SFSWAP: variants seen among roughly 807,000 people sequenced by gnomAD.
SFSWAP encodes the protein splicing factor SWAP.
A neutral mutation model predicts 100.7 loss-of-function variants in SFSWAP; 17 were observed. The observed-to-expected ratio is 0.17, with a 90% CI of 0.12 to 0.25. SFSWAP has a LOEUF of 0.25. Among genes scored for constraint, SFSWAP ranks in the 10% least tolerant of loss-of-function variants. SFSWAP has a pLI of 1.00. For missense variants in SFSWAP, 1,005 were observed against 1,262.6 expected, an observed-to-expected ratio of 0.80 and a Z score of 3.09; for synonymous variants, 504 against 510.1, an observed-to-expected ratio of 0.99 and a Z score of 0.16.
At chr12:131,761,380 C>T (rs149249878) in intron 11 of SFSWAP, among the ~76,000 whole-genome samples, 484 of 152,302 alleles carry the variant, frequency 3.2e-3, no homozygotes, top group Non-Finnish European at 5.5e-3. Flanking sequence ...CGCATGGTCC[C>T]GTCCTCCACC....
Position 131,746,832 on chromosome 12 carries a change from T to C in SFSWAP, c.1082-6291T>C, listed in dbSNP as rs911080220. Among the ~76,000 whole-genome samples the C allele has an allele frequency of 7.2e-5, 11 of 152,274 alleles. No individual in the cohort carries two copies. The South Asian group carries it at 2.1e-3, about 29-fold the overall frequency. ...TGGAGAAGCTCATGCTGGCCGGGCATGCTGGCTCACGCCTATAATCCCAGC... is the reference window on the plus strand; with the variant it reads ...TGGAGAAGCTCATGCTGGCCGGGCACGCTGGCTCACGCCTATAATCCCAGC... On this transcript the variant is annotated intron_variant, in intron 7 of 17. Transcript: ENST00000261674.
At chr12:131,727,210 CAA>C (rs1276172226) in intron 6 of SFSWAP, among the ~76,000 whole-genome samples, 158 bp downstream of exon 6, 2 of 152,212 alleles carry the variant, frequency 1.3e-5, no homozygotes, top group Admixed American at 6.5e-5. Context: ...AGCTGGGTGA[CAA>C]AGCATCTGCT....
At chr12:131,774,204 G>T (rs61942914) in intron 13 of SFSWAP, among the ~76,000 whole-genome samples, 11,403 of 152,258 alleles carry the variant, frequency 0.075, 482 homozygotes, top group Middle Eastern at 0.12. Flanking sequence ...GTGGGGCTGG[G>T]TGAAGGGATG....
At chr12:131,729,337 T>C (rs1109119) in intron 7 of SFSWAP, among the ~76,000 whole-genome samples, 110,617 of 151,820 alleles carry the variant, frequency 0.73, 42,489 homozygotes, top group East Asian at 0.95. Flanking sequence ...AACCGCATCT[T>C]GACAAAAAAT....
rs1258964216 is a variant in SFSWAP at position 131,734,941 on chromosome 12, G to C, written c.1081+6513G>C. On this transcript the variant is annotated intron_variant, in intron 7 of 17. Transcript: ENST00000261674. The surrounding 1 kb of genome is among the most constrained non-coding windows in gnomAD (Gnocchi z 4.9). ...GGCAGTGAGGGGGGGCCCGCTCCGAGAGACAGACAGGTCAGGCCGGAAGCG... is the reference window on the plus strand; with the variant it reads ...GGCAGTGAGGGGGGGCCCGCTCCGACAGACAGACAGGTCAGGCCGGAAGCG... Among the ~76,000 whole-genome samples, 1 of 152,188 alleles carries C rather than the reference G, an allele frequency of 6.6e-6. No homozygotes were observed. The highest frequency in any genetic ancestry group is 2.4e-5 in the African/African-American group (1 of 41,436).
intron 4 of SFSWAP, among the ~76,000 whole-genome samples, chr12:131,724,541 A>G (rs531975322): frequency 2.0e-5 from 3 of 152,280 alleles, no homozygotes; most frequent in Non-Finnish European, 4.4e-5. Context: ...TTAACCATCC[A>G]TTTTTAATGA....
At chr12:131,713,805 A>G (rs1249447496) in intron 1 of SFSWAP, 1 of 259,968 alleles carries the variant, frequency 3.8e-6, no homozygotes. Flanking sequence ...CTATTAATGG[A>G]TTGTTTGCCT....
In SFSWAP at chr12:131,720,984, G is replaced by A. The variant is rs190926636; in HGVS notation, c.606+1445G>A. Reference sequence around the variant, plus strand: ...TGCAGGCTGTACAGGAAGCCGGGCAGCATCTGCTTCTGGGGAGGCCTCAGG... The same window carrying A: ...TGCAGGCTGTACAGGAAGCCGGGCAACATCTGCTTCTGGGGAGGCCTCAGG... On this transcript the variant is annotated intron_variant, in intron 4 of 17. Transcript: ENST00000261674. Among the ~76,000 whole-genome samples the A allele has an allele frequency of 2.3e-3, 345 of 152,336 alleles. 2 individuals are homozygous for A. Among genetic ancestry groups the A allele is most frequent in the African/African-American group, 8.0e-3 (333 of 41,588 alleles).
intron 15 of SFSWAP, chr12:131,796,971 T>C (rs1349457418): frequency 1.8e-5 from 9 of 505,940 alleles, no homozygotes; most frequent in South Asian, 3.5e-5. Context: ...AATATTTTAC[T>C]TGAGGTCCTA....
intron 5 of SFSWAP, among the ~76,000 whole-genome samples, chr12:131,726,024 C>T (rs1878932471): frequency 6.6e-6 from 1 of 152,038 alleles, no homozygotes; most frequent in Non-Finnish European, 1.5e-5. Context: ...TACATGGCCA[C>T]AAAAGTGAAA....
intron 13 of SFSWAP, among the ~76,000 whole-genome samples, chr12:131,773,869 A>G (rs1883805610): frequency 6.6e-6 from 1 of 152,224 alleles, no homozygotes; most frequent in Non-Finnish European, 1.5e-5. Context: ...CAGCACAGCC[A>G]GGAGGAGAGT....
At chr12:131,770,276 A>G (rs4964994) in intron 13 of SFSWAP, among the ~76,000 whole-genome samples, 124,805 of 152,208 alleles carry the variant, frequency 0.82, 53,661 homozygotes, top group East Asian at 0.96. Flanking sequence ...ACAAGACCAC[A>G]TTCGGCCACC....
At position 131,754,379 on chromosome 12, in the gene SFSWAP, C is replaced by T. The variant is rs771151454; in HGVS notation, c.1334C>T (p.Pro445Leu). ...CTCTTCTCCTGCAGTGCACTTGCCC[C>T]CGTGGCCGCCATCATCCCCCCGCCC... ...STTTTTSALA[P>L]VAAIIPPPPD... The change falls in exon 9 of 18, where the codon CCC (proline) becomes CTC (leucine). Residue 445 changes from proline (P) to leucine (L), a missense_variant. Physicochemically the swap from Pro to Leu is moderately conservative, Grantham distance 98 (BLOSUM62 -3). Transcript: ENST00000261674. The T allele has an allele frequency of 4.5e-6, 7 of 1,572,860 alleles. No homozygotes were observed. The highest frequency in any genetic ancestry group is 1.7e-6 in the Non-Finnish European group (2 of 1,162,410).
chr12:131,780,086 T>C (rs370291516), intron 14 of SFSWAP, among the ~76,000 whole-genome samples: 1 of 152,236 alleles, frequency 6.6e-6, no homozygotes, highest in African/African-American at 2.4e-5. Flanking sequence ...GTGCCCAGCC[T>C]GCTTTCCTTA....
At chr12:131,772,720 A>G (rs1339241971) in intron 13 of SFSWAP, among the ~76,000 whole-genome samples, 1 of 152,202 alleles carries the variant, frequency 6.6e-6, no homozygotes, top group Admixed American at 6.5e-5. Flanking sequence ...AGCCTGTGTT[A>G]CAATCAGTGT....
At chr12:131,717,642 A>C (rs1035437425) in intron 3 of SFSWAP, among the ~76,000 whole-genome samples, 4 of 152,232 alleles carry the variant, frequency 2.6e-5, no homozygotes, top group Non-Finnish European at 4.4e-5. Flanking sequence ...TGAATAACTT[A>C]ACATTAAGGA....
At chr12:131,732,429 A>G (rs1460735516) in intron 7 of SFSWAP, among the ~76,000 whole-genome samples, 1 of 152,158 alleles carries the variant, frequency 6.6e-6, no homozygotes, top group Admixed American at 6.5e-5. Flanking sequence ...GCTCTGTCTG[A>G]TGAGCCTTTG....
At chr12:131,731,116 A>T (rs1017500362) in intron 7 of SFSWAP, among the ~76,000 whole-genome samples, 3 of 152,172 alleles carry the variant, frequency 2.0e-5, no homozygotes, top group African/African-American at 7.2e-5. Flanking sequence ...AGTTTCCAAG[A>T]AGAGCCAAGA....
chr12:131,763,161 C>G (rs975690027), intron 11 of SFSWAP, among the ~76,000 whole-genome samples: 2 of 152,172 alleles, frequency 1.3e-5, no homozygotes, highest in African/African-American at 4.8e-5. Flanking sequence ...TCACATCACA[C>G]GCGGGTTTGG....
Sources: gnomAD v4.1 joint callset for allele counts (sites outside exome capture counted in the v4.1 genomes callset) on GRCh38, gnomAD v4.1.1 for gene constraint, Gnocchi (gnomAD v3.1) non-coding constraint, MANE v1.5 for transcripts, NCBI Gene and HGNC (gene_info 2026-07-23, HGNC 2026-07-21) for gene names.